The following APBA1 variants were observed in gnomAD, a reference collection of about 807,000 sequenced individuals.
APBA1 encodes amyloid beta precursor protein binding family A member 1.
APBA1 carries 55 observed loss-of-function variants against 86.6 expected under a neutral mutation model. That is an observed-to-expected ratio of 0.64 (90% CI 0.51 to 0.80). APBA1 has a LOEUF of 0.80. Ranked by LOEUF, APBA1 falls within the 30% of genes least tolerant of loss-of-function variation. The pLI is 0.00. For synonymous variants in APBA1, 511 were observed against 493.9 expected (o/e 1.03, Z -0.46); for missense variants, 1,090 against 1,183.0 (o/e 0.92, Z 1.15).
intron 1 of APBA1, among the ~76,000 whole-genome samples, chr9:69,608,015 G>A (rs145983977): frequency 0.011 from 1,626 of 152,152 alleles, 16 homozygotes; most frequent in Non-Finnish European, 0.016. Flanking sequence ...AAATATTAGC[G>A]CTAACAAGGT....
chr9:69,484,194 A>G (rs1293974701), intron 2 of APBA1, among the ~76,000 whole-genome samples: 1 of 152,112 alleles, frequency 6.6e-6, no homozygotes, highest in Non-Finnish European at 1.5e-5. Context: ...CTATTTCTCA[A>G]TTGCTCTAAA....
chr9:69,451,989 C>T (rs1026713498), intron 9 of APBA1, 133 bp downstream of exon 9: 10 of 841,012 alleles, frequency 1.2e-5, no homozygotes, highest in South Asian at 3.3e-5. Flanking sequence ...TGGGGGTGAA[C>T]GACTTCATGA....
intron 1 of APBA1, among the ~76,000 whole-genome samples, chr9:69,560,160 G>C (rs1406045508): frequency 2.6e-5 from 4 of 152,302 alleles, no homozygotes; most frequent in Non-Finnish European, 5.9e-5. Flanking sequence ...CAGCTGCCAA[G>C]GCCATGCCTT....
chr9:69,515,828 C>T (rs1160407704), intron 2 of APBA1, among the ~76,000 whole-genome samples, 183 bp downstream of exon 2: 1 of 152,042 alleles, frequency 6.6e-6, no homozygotes, highest in Non-Finnish European at 1.5e-5. Flanking sequence ...CACTTTAATT[C>T]TCTCCCGCTG....
intron 8 of APBA1, among the ~76,000 whole-genome samples, chr9:69,453,888 G>A (rs922486031): frequency 2.0e-5 from 3 of 152,202 alleles, no homozygotes; most frequent in African/African-American, 7.2e-5. Flanking sequence ...TCTAGACTTT[G>A]GAACTATGGA....
Position 69,432,635 on chromosome 9 carries a change from G to A in APBA1, c.2343C>T (p.Gly781=), listed in dbSNP as rs552347233. ...LMRGGIAERG[G]VRVGHRIIEI... ...CAATGATCCGGTGCCCCACACGGAC[G>A]CCTCCTCTCTCAGCTATTCCCCCTC... Residue 781 remains glycine (G), a synonymous_variant, in exon 12 of 13, where the codon GGC becomes GGT. Coordinates refer to ENST00000265381, the MANE Select transcript of APBA1 (RefSeq NM_001163.4). 19 of 1,603,934 alleles carry A rather than the reference G, an allele frequency of 1.2e-5. No individual in the cohort carries two copies. In the Admixed American group the frequency reaches 1.4e-4, roughly 11 times the overall value.
intron 1 of APBA1, among the ~76,000 whole-genome samples, chr9:69,655,361 A>G (rs998055469): frequency 6.6e-6 from 1 of 152,154 alleles, no homozygotes; most frequent in Admixed American, 6.5e-5. Flanking sequence ...CCCAAAAACT[A>G]TTAGAATGAG....
At position 69,499,551 on chromosome 9, in the gene APBA1, C is replaced by T. The variant is rs116751908; in HGVS notation, c.1200+16460G>A. ...TGGCAGCAAGACAGTTCTTTTCGCT[C>T]GCCCTTGTAAGCTTGACAACACAAC... On this transcript the variant is annotated intron_variant, in intron 2 of 12. Transcript: ENST00000265381. 2.9e-3 allele frequency among the ~76,000 whole-genome samples: 440 copies of T among 152,046 alleles called. 6 individuals carry two copies. The highest frequency in any genetic ancestry group is 0.01 in the African/African-American group (419 of 41,462).
In APBA1 at chr9:69,439,424, G is replaced by A. The variant is rs552854352; in HGVS notation, c.2301+1572C>T. On this transcript the variant is annotated intron_variant, in intron 11 of 12. Coordinates refer to ENST00000265381, the MANE Select transcript of APBA1 (RefSeq NM_001163.4). ...TCACTTTCAGGTACACCAATCAGAC[G>A]TAGATTTGGTCTTTTCACATAGTCC... is the stretch of plus-strand genomic sequence containing the variant. 5.1e-3 allele frequency among the ~76,000 whole-genome samples: 770 copies of A among 152,126 alleles called. 5 individuals are homozygous for A. Among genetic ancestry groups the A allele is most frequent in the Non-Finnish European group, 9.1e-3 (617 of 67,994 alleles).
chr9:69,656,635 T>C (rs1459599511), intron 1 of APBA1, among the ~76,000 whole-genome samples: 1 of 152,248 alleles, frequency 6.6e-6, no homozygotes, highest in East Asian at 1.9e-4. Flanking sequence ...TATGTCTTGA[T>C]TCAAGTGCTA....
intron 1 of APBA1, among the ~76,000 whole-genome samples, chr9:69,536,304 T>C (rs1836509212): frequency 6.6e-6 from 1 of 151,958 alleles, no homozygotes; most frequent in South Asian, 2.1e-4. Context: ...GTTTTTATTA[T>C]GGAAAATGTC....
rs1212486587 is a variant in APBA1, at chr9:69,658,222, CTCTTTCTT to C, written c.-70+13923_-70+13930del. ...ATGTTGTCCTACTCAAGTCCTTTCT[CTCTTTCTT>C]TCTTTCTTTCTTTCTTTCTTTCTTT... On this transcript the variant is annotated intron_variant, in intron 1 of 12. Transcript: ENST00000265381. Among the ~76,000 whole-genome samples, 526 of 104,288 alleles carry C rather than the reference CTCTTTCTT, an allele frequency of 5.0e-3. 6 individuals carry two copies. Among genetic ancestry groups the C allele is most frequent in the African/African-American group, 0.016 (504 of 31,922 alleles). 68.4% of individuals were successfully genotyped at this position (104,288 alleles called of 152,430 possible).
At chr9:69,592,952 T>C (rs1224926953) in intron 1 of APBA1, among the ~76,000 whole-genome samples, 1 of 152,220 alleles carries the variant, frequency 6.6e-6, no homozygotes, top group East Asian at 1.9e-4. Context: ...TACATAGGAA[T>C]GTTATATCAT....
intron 1 of APBA1, among the ~76,000 whole-genome samples, chr9:69,548,645 A>G (rs1836736686): frequency 6.6e-6 from 1 of 152,194 alleles, no homozygotes; most frequent in Non-Finnish European, 1.5e-5. Flanking sequence ...AGCAAGAAAA[A>G]GGAAAAGATG....
intron 1 of APBA1, among the ~76,000 whole-genome samples, chr9:69,653,298 C>A (rs1823544814): frequency 6.6e-6 from 1 of 152,166 alleles, no homozygotes; most frequent in African/African-American, 2.4e-5. Context: ...CCAGGGCACC[C>A]AAATATATAA....
chr9:69,556,351 T>C (rs72719025), intron 1 of APBA1, among the ~76,000 whole-genome samples: 16,348 of 152,042 alleles, frequency 0.11, 1,185 homozygotes, highest in South Asian at 0.27. Flanking sequence ...GACTGAAGTC[T>C]TGGGGACAAG....
intron 2 of APBA1, among the ~76,000 whole-genome samples, chr9:69,487,662 G>C (rs934647519): frequency 2.0e-5 from 3 of 151,984 alleles, no homozygotes; most frequent in African/African-American, 7.3e-5. Flanking sequence ...CGTGAGAGTG[G>C]AGCTGTTTTA....
intron 1 of APBA1, among the ~76,000 whole-genome samples, chr9:69,543,418 T>G (rs1435226207): frequency 6.6e-6 from 1 of 152,134 alleles, no homozygotes; most frequent in East Asian, 1.9e-4. Flanking sequence ...GAGGAAGTAC[T>G]TGATTTTGTA....
At chr9:69,669,914 T>C (rs1013770035) in intron 1 of APBA1, among the ~76,000 whole-genome samples, 1 of 152,264 alleles carries the variant, frequency 6.6e-6, no homozygotes, top group Non-Finnish European at 1.5e-5. Context: ...TTAAACTTTC[T>C]TGTGAGACAT....
Sources: allele counts gnomAD v4.1 joint callset (sites outside exome capture counted in the v4.1 genomes callset), GRCh38; gene constraint gnomAD v4.1.1; transcripts MANE v1.5; gene names NCBI Gene and HGNC (gene_info 2026-07-23, HGNC 2026-07-21).